The following KIF6 variants were observed in gnomAD, a reference collection of about 807,000 sequenced individuals.
KIF6 encodes kinesin family member 6.
In KIF6, 106 loss-of-function variants were observed where a neutral mutation model predicts 112.7. The ratio of observed to expected loss-of-function variants is 0.94; its 90% CI spans 0.80 to 1.11. The LOEUF (loss-of-function observed/expected upper bound fraction) is 1.11. Among genes scored for constraint, KIF6 ranks in the 50% least tolerant of loss-of-function variants. The pLI, the probability that KIF6 is intolerant of heterozygous loss-of-function variation, is 0.00. For missense variants in KIF6, 929 were observed against 964.0 expected (o/e 0.96, Z 0.48); for synonymous variants, 339 against 339.9 (o/e 1.00, Z 0.03).
intron 15 of KIF6, among the ~76,000 whole-genome samples, chr6:39,396,878 T>C (rs964866704): frequency 1.3e-5 from 2 of 152,216 alleles, no homozygotes; most frequent in African/African-American, 2.4e-5. Context: ...AGCTAACCTA[T>C]TGCAATTGTT....
chr6:39,350,286 A>G (rs1168250902), intron 19 of KIF6, among the ~76,000 whole-genome samples: 2 of 152,146 alleles, frequency 1.3e-5, no homozygotes, highest in Non-Finnish European at 2.9e-5. Flanking sequence ...GTAAATGCCA[A>G]CACCTACTAG....
intron 3 of KIF6, among the ~76,000 whole-genome samples, chr6:39,668,616 G>A (rs781464732): frequency 5.3e-5 from 8 of 152,072 alleles, no homozygotes; most frequent in African/African-American, 9.7e-5. Context: ...ACTTTTGATC[G>A]AGTTTAATTG....
intron 5 of KIF6, among the ~76,000 whole-genome samples, chr6:39,624,713 T>C (rs1784000364): frequency 6.6e-6 from 1 of 152,176 alleles, no homozygotes; most frequent in Non-Finnish European, 1.5e-5. Flanking sequence ...GAGGTGACAG[T>C]GTTTTTCCTG....
chr6:39,722,762 A>T (rs2113909708), intron 1 of KIF6, among the ~76,000 whole-genome samples: 1 of 152,326 alleles, frequency 6.6e-6, no homozygotes, highest in East Asian at 1.9e-4. Flanking sequence ...AAGGGCGAAC[A>T]GGGATATACT....
At chr6:39,340,936 C>T (rs922466316) in intron 22 of KIF6, among the ~76,000 whole-genome samples, 3 of 152,076 alleles carry the variant, frequency 2.0e-5, no homozygotes, top group Admixed American at 6.5e-5. Context: ...GGATATCCTG[C>T]GTATCCAAGC....
At chr6:39,722,605 C>T (rs1416645366) in intron 1 of KIF6, among the ~76,000 whole-genome samples, 1 of 152,014 alleles carries the variant, frequency 6.6e-6, no homozygotes, top group Non-Finnish European at 1.5e-5. Flanking sequence ...AAAAGTAATG[C>T]AGTAATGAAG....
In KIF6 at chr6:39,717,804, CAT is replaced by C. The variant is rs1789949633; in HGVS notation, c.176+2896_176+2897del. On this transcript the variant is annotated intron_variant, in intron 2 of 22. Coordinates refer to ENST00000287152, the MANE Select transcript of KIF6 (RefSeq NM_145027.6). ...AAATGCTTAAATATTTATCTCTGAA[CAT>C]ATGTGTAAGTTGAATATTTTATTAA... 4.6e-5 allele frequency among the ~76,000 whole-genome samples: 7 copies of C among 152,216 alleles called. No homozygotes were observed. The South Asian group carries it at 1.2e-3, about 27-fold the overall frequency.
rs201648702 is a variant in KIF6, at chr6:39,482,320, C to T, written c.1646-51159G>A. On this transcript the variant is annotated intron_variant, in intron 13 of 22. Transcript: ENST00000287152. ...ATTGCAGGGAGGTCTCATGTAAATTCTTGCTATTACTACCACTATCACCAC... is the reference window on the plus strand; with the variant it reads ...ATTGCAGGGAGGTCTCATGTAAATTTTTGCTATTACTACCACTATCACCAC... 7.3e-4 allele frequency among the ~76,000 whole-genome samples: 111 copies of T among 152,234 alleles called. 4 individuals are homozygous for T. The South Asian group carries it at 0.012, about 17-fold the overall frequency.
chr6:39,337,710 C>G (rs1763109865), intron 22 of KIF6, among the ~76,000 whole-genome samples: 1 of 152,156 alleles, frequency 6.6e-6, no homozygotes, highest in Non-Finnish European at 1.5e-5. Context: ...CTCCTCCTGA[C>G]CATGTGGCCC....
intron 1 of KIF6, among the ~76,000 whole-genome samples, chr6:39,723,980 C>T (rs774026640): frequency 2.7e-4 from 41 of 152,194 alleles, no homozygotes; most frequent in Non-Finnish European, 5.4e-4. Context: ...CATTATTTAA[C>T]CTGAGACTCA....
intron 22 of KIF6, among the ~76,000 whole-genome samples, chr6:39,337,898 A>T (rs533013917): frequency 2.0e-5 from 3 of 152,308 alleles, no homozygotes; most frequent in African/African-American, 7.2e-5. Flanking sequence ...GGAAAAAGCA[A>T]GGTGGCTTCT....
chr6:39,382,718 T>C (rs1767060815), intron 16 of KIF6, among the ~76,000 whole-genome samples: 1 of 152,156 alleles, frequency 6.6e-6, no homozygotes, highest in South Asian at 2.1e-4. Context: ...GGCAGTTCTA[T>C]TTTTAGTTCT....
At chr6:39,403,528 C>T (rs1768864957) in intron 15 of KIF6, among the ~76,000 whole-genome samples, 1 of 152,190 alleles carries the variant, frequency 6.6e-6, no homozygotes, top group African/African-American at 2.4e-5. Context: ...CTATTGTATG[C>T]ACTCTATTGA....
At chr6:39,548,820 A>C (rs1318536508) in intron 10 of KIF6, among the ~76,000 whole-genome samples, 2 of 152,230 alleles carry the variant, frequency 1.3e-5, no homozygotes, top group Non-Finnish European at 2.9e-5. Context: ...TAAGGAGGTC[A>C]AGTGAGTACA....
chr6:39,461,714 T>A (rs959154865), intron 13 of KIF6, among the ~76,000 whole-genome samples: 3 of 152,102 alleles, frequency 2.0e-5, no homozygotes, highest in Admixed American at 6.5e-5. Flanking sequence ...AGTAGAAAAA[T>A]TTGATCTACA....
At position 39,343,463 on chromosome 6, in the gene KIF6, C is replaced by A; in HGVS notation, c.2428+246G>T. 6.8e-7 allele frequency: 1 copy of A among 1,461,756 alleles called. No individual in the cohort carries two copies. The allele number at this position is 1,461,756 out of a possible 1,614,324, so 90.5% of individuals were successfully genotyped here. A position where few individuals can be genotyped will look rare whatever the true frequency, so the allele number is the denominator to read the frequency against. On this transcript the variant is annotated intron_variant, in intron 22 of 22. Coordinates refer to ENST00000287152, the MANE Select transcript of KIF6 (RefSeq NM_145027.6). The surrounding 1 kb of genome is among the most constrained non-coding windows in gnomAD (Gnocchi z 4.1). ...TGGAAGAGACAGAGAGCAAGCTCTG[C>A]CAAGAGGGACAGGAGCACCTGGGCC... is the stretch of plus-strand genomic sequence containing the variant.
intron 9 of KIF6, among the ~76,000 whole-genome samples, chr6:39,578,545 A>T (rs1781109711): frequency 6.6e-6 from 1 of 151,882 alleles, no homozygotes; most frequent in South Asian, 2.1e-4. Context: ...GTTAGCCAGG[A>T]TGGTCTCAAT....
intron 4 of KIF6, among the ~76,000 whole-genome samples, chr6:39,638,111 T>A (rs1784721453): frequency 1.3e-5 from 2 of 152,098 alleles, no homozygotes; most frequent in African/African-American, 2.4e-5. Context: ...TCAAGGGTTC[T>A]CTGAAATTGG....
intron 16 of KIF6, among the ~76,000 whole-genome samples, chr6:39,369,616 C>T (rs534410581): frequency 5.9e-5 from 9 of 152,270 alleles, no homozygotes; most frequent in East Asian, 1.9e-4. Context: ...CCAGGGATGG[C>T]GGCCTCTCTC....
Sources: gnomAD v4.1 joint callset for allele counts (sites outside exome capture counted in the v4.1 genomes callset) on GRCh38, gnomAD v4.1.1 for gene constraint, Gnocchi (gnomAD v3.1) non-coding constraint, MANE v1.5 for transcripts, NCBI Gene and HGNC (gene_info 2026-07-23, HGNC 2026-07-21) for gene names.